The following LVRN variants were observed in gnomAD, a reference collection of about 807,000 sequenced individuals.
The protein encoded by LVRN is laeverin, also known as aminopeptidase Q.
LVRN carries 99 observed loss-of-function variants against 111.4 expected under a neutral mutation model. That is an observed-to-expected ratio of 0.89 (90% CI 0.76 to 1.05). The LOEUF (loss-of-function observed/expected upper bound fraction) is 1.05. Among genes scored for constraint, LVRN ranks in the 50% least tolerant of loss-of-function variants. The pLI is 0.00. For synonymous variants in LVRN, 488 were observed against 449.5 expected (o/e 1.09, Z -1.08); for missense variants, 1,414 against 1,206.8 (o/e 1.17, Z -2.54).
At chr5:115,994,233 A>G (rs1748057508) in intron 6 of LVRN, among the ~76,000 whole-genome samples, 1 of 152,072 alleles carries the variant, frequency 6.6e-6, no homozygotes, top group South Asian at 2.1e-4. Flanking sequence ...TATATTTCTT[A>G]GTCCTGCTAT....
chr5:116,025,637 TG>T (rs938043198), intron 19 of LVRN, among the ~76,000 whole-genome samples: 3 of 152,118 alleles, frequency 2.0e-5, no homozygotes, highest in Admixed American at 1.3e-4. Flanking sequence ...TTTAAAAAAT[TG>T]GGGGGGTTCA....
Position 116,022,592 on chromosome 5 carries a change from C to G in LVRN, c.2832+126C>G, listed in dbSNP as rs546728084. 7.3e-4 allele frequency: 479 copies of G among 653,550 alleles called. 2 individuals are homozygous for G. The highest frequency in any genetic ancestry group is 4.0e-3 in the Middle Eastern group (9 of 2,272). The allele number at this position is 653,550 out of a possible 1,614,324, so 40.5% of individuals were successfully genotyped here. On this transcript the variant is annotated intron_variant, in intron 19 of 19. Coordinates refer to ENST00000357872, the MANE Select transcript of LVRN (RefSeq NM_173800.5). ...ATTACATTCTATGCTTCTATTGGTG[C>G]TGTATCACTGTGAAAGAAGTGTTTT...
Position 115,999,292 on chromosome 5 carries a change from T to C in LVRN, c.1375-470T>C, listed in dbSNP as rs1289178454. ...TAAACTGTAATATCCATTTTATGGA[T>C]TTATTTTCAATTTTAAATTATTACA... On this transcript the variant is annotated intron_variant, in intron 6 of 19. Transcript: ENST00000357872. 2.0e-5 allele frequency among the ~76,000 whole-genome samples: 3 copies of C among 152,240 alleles called. No homozygotes were observed. The South Asian group carries it at 6.2e-4, about 32-fold the overall frequency.
At chr5:115,991,465 C>T (rs1256804593) in intron 4 of LVRN, among the ~76,000 whole-genome samples, 1 of 152,198 alleles carries the variant, frequency 6.6e-6, no homozygotes. Context: ...ATCTTGGTTG[C>T]TTCCAACTTT....
intron 1 of LVRN, among the ~76,000 whole-genome samples, chr5:115,982,513 T>G (rs982183116): frequency 3.3e-5 from 5 of 151,966 alleles, no homozygotes; most frequent in Non-Finnish European, 4.4e-5. Flanking sequence ...GACTGCAGGG[T>G]TTTTTTGTTT....
intron 13 of LVRN, among the ~76,000 whole-genome samples, chr5:116,008,191 A>G (rs1294374390): frequency 6.6e-6 from 1 of 152,092 alleles, no homozygotes; most frequent in Non-Finnish European, 1.5e-5. Context: ...AAATACAAAA[A>G]AAATCAGCCA....
intron 6 of LVRN, 112 bp from the exon 7 acceptor site, chr5:115,999,650 A>T (rs1379125714): frequency 6.9e-6 from 8 of 1,165,410 alleles, no homozygotes; most frequent in Non-Finnish European, 7.3e-6. Flanking sequence ...CTTCTCAATT[A>T]CTGAATTTTC....
At chr5:115,972,823 T>C (rs2112556466) in intron 1 of LVRN, among the ~76,000 whole-genome samples, 1 of 152,320 alleles carries the variant, frequency 6.6e-6, no homozygotes, top group South Asian at 2.1e-4. Context: ...GATGTCATAT[T>C]TTATCAAATG....
At chr5:115,977,483 A>G (rs948058139) in intron 1 of LVRN, among the ~76,000 whole-genome samples, 1 of 152,212 alleles carries the variant, frequency 6.6e-6, no homozygotes, top group Admixed American at 6.5e-5. Flanking sequence ...AACTGTTTTC[A>G]GCAGAAGGCT....
At chr5:115,982,550 G>T (rs1273301954) in intron 1 of LVRN, among the ~76,000 whole-genome samples, 1 of 152,074 alleles carries the variant, frequency 6.6e-6, no homozygotes, top group Non-Finnish European at 1.5e-5. Flanking sequence ...AAAGTTGTTT[G>T]CTGGGACCTG....
In LVRN at chr5:116,022,421, A is replaced by C; in HGVS notation, c.2787A>C (p.Ile929=). 6.3e-7 allele frequency: 1 copy of C among 1,575,500 alleles called. No individual in the cohort carries two copies. The highest frequency in any genetic ancestry group is 8.7e-7 in the Non-Finnish European group (1 of 1,152,552). The change falls in exon 19 of 20, where the codon ATA becomes ATC. Residue 929 remains isoleucine, a synonymous_variant. Transcript: ENST00000357872. ...RYGTQSLINL[I]YTIGRTVTTD... is the part of the protein sequence containing the mutation. ...GAACACAATCATTGATTAATCTAAT[A>C]TATACAATAGGGAGAACCGTAACTA...
rs61740769 is a variant in LVRN at position 115,962,720 on chromosome 5, G to T, written c.103G>T (p.Ala35Ser). The change falls in exon 1 of 20, where the codon GCC (alanine) becomes TCC (serine). Residue 35 changes from alanine to serine, a missense_variant. By Grantham distance (99) the Ala-to-Ser change is moderately conservative (BLOSUM62 1). Transcript: ENST00000357872. The stretch of plus-strand genomic sequence containing the variant: ...CCTGCTGGCGCTGGCCGTACTCGCC[G>T]CCTTGTACGGCCACTGCGAGCGCGT... ...ALLLALAVLA[A>S]LYGHCERVPP... 3.8e-4 allele frequency: 619 copies of T among 1,611,940 alleles called. 4 individuals are homozygous for T. The African/African-American group carries it at 7.1e-3, about 18-fold the overall frequency.
In LVRN at chr5:116,026,309, G is replaced by T. The variant is rs1003392437; in HGVS notation, c.*191G>T. On this transcript the variant is annotated 3_prime_UTR_variant, in exon 20 of 20. Transcript: ENST00000357872. ...AGGGTGGGTGATTGCTGACAATTTTGCCAATGCTGCTGTATTTCTGGGAAA... is the reference window on the plus strand; with the variant it reads ...AGGGTGGGTGATTGCTGACAATTTTTCCAATGCTGCTGTATTTCTGGGAAA... The T allele has an allele frequency of 1.4e-6, 1 of 710,520 alleles. No homozygotes were observed. Among genetic ancestry groups the T allele is most frequent in the Non-Finnish European group, 2.2e-6 (1 of 445,892 alleles). The allele number at this position is 710,520 out of a possible 1,614,324, so 44.0% of individuals were successfully genotyped here.
intron 4 of LVRN, among the ~76,000 whole-genome samples, chr5:115,990,353 ATAAT>A (rs1747960297): frequency 6.6e-6 from 1 of 152,206 alleles, no homozygotes; most frequent in Admixed American, 6.5e-5. Context: ...TCAATTTTTG[ATAAT>A]TAATGATGAA....
intron 13 of LVRN, among the ~76,000 whole-genome samples, chr5:116,008,647 A>C (rs1205807468): frequency 6.6e-6 from 1 of 152,168 alleles, no homozygotes; most frequent in Non-Finnish European, 1.5e-5. Context: ...GATATGGAGA[A>C]AGTTTCATTG....
chr5:116,026,468 G>T lies in LVRN; in HGVS notation c.*350G>T. The stretch of plus-strand genomic sequence containing the variant: ...ATATAAAAATCAATGGCATTAATGA[G>T]GAGCACATTCTTTGCTGAGGGAAAT... On this transcript the variant is annotated 3_prime_UTR_variant, in exon 20 of 20. Transcript: ENST00000357872. 1 of 308,712 alleles carries T rather than the reference G, an allele frequency of 3.2e-6. No homozygotes were observed. Among genetic ancestry groups the T allele is most frequent in the Non-Finnish European group, 6.2e-6 (1 of 162,600 alleles). 19.1% of individuals were successfully genotyped at this position (308,712 alleles called of 1,614,324 possible).
chr5:115,965,000 C>T (rs1218888358), intron 1 of LVRN, among the ~76,000 whole-genome samples: 2 of 152,186 alleles, frequency 1.3e-5, no homozygotes, highest in Non-Finnish European at 2.9e-5. Context: ...GGGAGCCCAG[C>T]AGGCCTGAGT....
chr5:115,985,398 A>G (rs1005630333), intron 3 of LVRN, among the ~76,000 whole-genome samples: 1 of 152,142 alleles, frequency 6.6e-6, no homozygotes, highest in Non-Finnish European at 1.5e-5. Flanking sequence ...CTCCAGACCC[A>G]GGGCTTATAT....
At chr5:116,022,663 TG>T (rs1322566657) in intron 19 of LVRN, among the ~76,000 whole-genome samples, 197 bp downstream of exon 19, 2 of 152,184 alleles carry the variant, frequency 1.3e-5, no homozygotes, top group African/African-American at 4.8e-5. Context: ...TCATGGAGGG[TG>T]GCACTTCATC....
Sources: allele counts gnomAD v4.1 joint callset (sites outside exome capture counted in the v4.1 genomes callset), GRCh38; gene constraint gnomAD v4.1.1; transcripts MANE v1.5; gene names NCBI Gene and HGNC (gene_info 2026-07-23, HGNC 2026-07-21).